The following PPM1H variants were observed in gnomAD, a reference collection of about 807,000 sequenced individuals.
PPM1H encodes protein phosphatase 1H.
Under a neutral mutation model 54.9 loss-of-function variants are expected in PPM1H, and 27 were observed. That is an observed-to-expected ratio of 0.49 (90% CI 0.36 to 0.68). The LOEUF is 0.68. PPM1H is among the 30% of genes least tolerant of loss of function. The pLI is 0.00. For synonymous variants in PPM1H, 305 were observed against 270.8 expected, an observed-to-expected ratio of 1.13 and a Z score of -1.24; for missense variants, 596 against 667.8, an observed-to-expected ratio of 0.89 and a Z score of 1.19.
In PPM1H at chr12:62,646,313, C is replaced by T. The variant is rs760398581; in HGVS notation, c.*2176G>A. On this transcript the variant is annotated 3_prime_UTR_variant, in exon 10 of 10. Transcript: ENST00000228705. ...AGAAGGTAGTTGTGACATCTACACC[C>T]AAATTCTTACTCTGGTGGCTTGAAT... 6.6e-6 allele frequency: 1 copy of T among 152,164 alleles called. No individual in the cohort carries two copies. Among genetic ancestry groups the T allele is most frequent in the African/African-American group, 2.4e-5 (1 of 41,414 alleles). 9.4% of individuals were successfully genotyped at this position (152,164 alleles called of 1,614,324 possible).
At chr12:62,675,547 T>C (rs150155727) in intron 8 of PPM1H, among the ~76,000 whole-genome samples, 110 of 152,334 alleles carry the variant, frequency 7.2e-4, no homozygotes, top group African/African-American at 2.5e-3. Context: ...GCAGAACAGA[T>C]GAACCAAGTT....
intron 4 of PPM1H, among the ~76,000 whole-genome samples, chr12:62,780,222 A>C (rs923911778): frequency 6.6e-6 from 1 of 152,170 alleles, no homozygotes; most frequent in Non-Finnish European, 1.5e-5. Context: ...CACACTACTG[A>C]CCAGATTAAA....
At chr12:62,657,775 A>G (rs916170283) in intron 9 of PPM1H, among the ~76,000 whole-genome samples, 2 of 152,202 alleles carry the variant, frequency 1.3e-5, no homozygotes, top group Non-Finnish European at 2.9e-5. Context: ...GCAAACTAGC[A>G]TTTAATACTT....
chr12:62,764,139 A>G (rs992479345), intron 4 of PPM1H, among the ~76,000 whole-genome samples: 1 of 152,178 alleles, frequency 6.6e-6, no homozygotes, highest in Non-Finnish European at 1.5e-5. Flanking sequence ...ATTTCCGTCC[A>G]GACAATTGCC....
intron 8 of PPM1H, among the ~76,000 whole-genome samples, chr12:62,673,718 T>C (rs1327633112): frequency 1.4e-5 from 1 of 70,390 alleles, no homozygotes; most frequent in Non-Finnish European, 2.7e-5. Context: ...AGCCACTCTT[T>C]TTTTTTTTTT....
chr12:62,842,872 C>T (rs1224691211), intron 1 of PPM1H, among the ~76,000 whole-genome samples: 1 of 152,150 alleles, frequency 6.6e-6, no homozygotes, highest in African/African-American at 2.4e-5. Context: ...ACCAGACTCC[C>T]TAGGTTTGAA....
chr12:62,717,655 C>T (rs1565767002), intron 6 of PPM1H, among the ~76,000 whole-genome samples: 1 of 151,544 alleles, frequency 6.6e-6, no homozygotes, highest in Non-Finnish European at 1.5e-5. Flanking sequence ...GTACAAGCCA[C>T]TAAAAACAAA....
intron 9 of PPM1H, among the ~76,000 whole-genome samples, chr12:62,662,807 T>G (rs997747470): frequency 3.3e-5 from 5 of 152,204 alleles, no homozygotes; most frequent in Non-Finnish European, 7.3e-5. Flanking sequence ...GTAAATATCT[T>G]AGAAACCCAA....
intron 4 of PPM1H, among the ~76,000 whole-genome samples, chr12:62,768,059 A>G (rs1028503253): frequency 3.3e-5 from 5 of 152,196 alleles, no homozygotes; most frequent in Non-Finnish European, 7.3e-5. Context: ...GGACTTGAAC[A>G]TAACTTTTTG....
intron 2 of PPM1H, among the ~76,000 whole-genome samples, chr12:62,831,002 C>T (rs955127066): frequency 2.6e-5 from 4 of 151,846 alleles, no homozygotes; most frequent in Non-Finnish European, 4.4e-5. Context: ...TACAGGCGCC[C>T]GCCACCATGC....
chr12:62,795,127 G>A (rs1344750170), intron 3 of PPM1H, among the ~76,000 whole-genome samples: 2 of 152,102 alleles, frequency 1.3e-5, no homozygotes, highest in South Asian at 2.1e-4. Flanking sequence ...CAGGCAACCC[G>A]AGGACCAAAG....
At chr12:62,826,187 C>T (rs758013797) in intron 2 of PPM1H, among the ~76,000 whole-genome samples, 6 of 152,174 alleles carry the variant, frequency 3.9e-5, no homozygotes, top group Admixed American at 3.3e-4. Context: ...CAGTGGCTCA[C>T]GTCTGTAATC....
At chr12:62,792,115 G>A (rs1159375478) in intron 3 of PPM1H, among the ~76,000 whole-genome samples, 2 of 152,156 alleles carry the variant, frequency 1.3e-5, no homozygotes, top group Admixed American at 6.5e-5. Context: ...AAGCAAGTTC[G>A]GGCTACACCA....
intron 2 of PPM1H, among the ~76,000 whole-genome samples, chr12:62,819,569 C>CA (rs1300613535): frequency 1.3e-5 from 2 of 152,308 alleles, no homozygotes; most frequent in African/African-American, 4.8e-5. Context: ...TAGAAAACTT[C>CA]AACCACATCC....
intron 2 of PPM1H, among the ~76,000 whole-genome samples, chr12:62,805,529 G>A (rs12818573): frequency 0.064 from 9,784 of 152,152 alleles, 329 homozygotes; most frequent in African/African-American, 0.088. Context: ...ACAAAAAGAA[G>A]GAAATTCTGC....
intron 1 of PPM1H, among the ~76,000 whole-genome samples, chr12:62,833,966 A>G (rs192706107): frequency 3.3e-5 from 5 of 152,188 alleles, no homozygotes; most frequent in African/African-American, 4.8e-5. Context: ...CGAAAAGATC[A>G]TATCAGTCAT....
At chr12:62,727,637 A>ACATTATTATTAT (rs1555192228) in intron 5 of PPM1H, among the ~76,000 whole-genome samples, 3 of 139,814 alleles carry the variant, frequency 2.1e-5, no homozygotes, top group Non-Finnish European at 4.6e-5. Context: ...TAAAATGCAA[A>ACATTATTATTAT]TATTATTATT....
chr12:62,807,078 G>A (rs1321562536), intron 2 of PPM1H, among the ~76,000 whole-genome samples: 1 of 152,210 alleles, frequency 6.6e-6, no homozygotes, highest in Non-Finnish European at 1.5e-5. Context: ...CCCTGCGGTA[G>A]AATGGGGGCA....
intron 1 of PPM1H, among the ~76,000 whole-genome samples, chr12:62,909,959 C>T (rs1011851037): frequency 2.6e-5 from 4 of 152,224 alleles, no homozygotes; most frequent in East Asian, 1.9e-4. Context: ...CTGAAGATTA[C>T]GGAGGTTTTA....
Sources: allele counts gnomAD v4.1 joint callset (sites outside exome capture counted in the v4.1 genomes callset), GRCh38; gene constraint gnomAD v4.1.1; transcripts MANE v1.5; gene names NCBI Gene and HGNC (gene_info 2026-07-23, HGNC 2026-07-21).